The following TOP1 variants were observed in gnomAD, a reference collection of about 807,000 sequenced individuals.
TOP1 encodes the protein DNA topoisomerase 1.
TOP1 carries 10 observed loss-of-function variants against 111.1 expected under a neutral mutation model. The observed-to-expected ratio is 0.09, with a 90% confidence interval of 0.06 to 0.15. The LOEUF (loss-of-function observed/expected upper bound fraction) is 0.15, where lower values mean the gene tolerates loss of function less well. Ranked by LOEUF, TOP1 falls within the 10% of genes least tolerant of loss-of-function variation. The probability of loss-of-function intolerance (pLI) is 1.00; values close to 1 mark genes in which losing one functional copy is unlikely to be tolerated. For synonymous variants in TOP1, 271 were observed against 302.9 expected, an observed-to-expected ratio of 0.89 and a Z score of 1.10; for missense variants, 474 against 926.7, an observed-to-expected ratio of 0.51 and a Z score of 6.34.
Position 41,122,241 on chromosome 20 carries a change from C to A in TOP1, c.2195+86C>A, listed in dbSNP as rs556343100. ...GAGAGCACTGGTGGCCTTCACATGC[C>A]ATTCCTAAGCTACACACTTTAGTCC... On this transcript the variant is annotated intron_variant, in intron 20 of 20. Transcript: ENST00000361337. The surrounding 1 kb of genome is among the most constrained non-coding windows in gnomAD (Gnocchi z 5.4). 4.4e-6 allele frequency: 6 copies of A among 1,378,726 alleles called. No individual in the cohort carries two copies. The African/African-American group carries it at 8.6e-5, about 20-fold the overall frequency. The allele number at this position is 1,378,726 out of a possible 1,614,324, so 85.4% of individuals were successfully genotyped here. A position where few individuals can be genotyped will look rare whatever the true frequency, so the allele number is the denominator to read the frequency against.
intron 13 of TOP1, among the ~76,000 whole-genome samples, chr20:41,105,506 T>C (rs139225928): frequency 1.4e-4 from 21 of 152,350 alleles, no homozygotes; most frequent in Admixed American, 3.9e-4. Context: ...TTTTTGTTGT[T>C]GGTCATTTGA....
intron 18 of TOP1, among the ~76,000 whole-genome samples, chr20:41,119,120 G>A (rs1329234065): frequency 1.3e-5 from 2 of 152,188 alleles, no homozygotes; most frequent in Non-Finnish European, 2.9e-5. Flanking sequence ...GATAATAGAT[G>A]TGCTTCCTTA....
Position 41,071,340 on chromosome 20 carries a change from C to G in TOP1, c.156-4831C>G, listed in dbSNP as rs991829834. Among the ~76,000 whole-genome samples the G allele has an allele frequency of 1.3e-5, 2 of 151,826 alleles. No homozygotes were observed. The highest frequency in any genetic ancestry group is 6.6e-5 in the Admixed American group (1 of 15,252). On this transcript the variant is annotated intron_variant, in intron 3 of 20. Coordinates refer to ENST00000361337, the MANE Select transcript of TOP1 (RefSeq NM_003286.4). The surrounding 1 kb of genome is among the most constrained non-coding windows in gnomAD (Gnocchi z 4.3). Reference sequence around the variant, plus strand: ...ATAGTGTAAGTTATTTTTTTCTTTCCTTTTTTTAAATTTTTTTTTTTTTGA... The same window carrying G: ...ATAGTGTAAGTTATTTTTTTCTTTCGTTTTTTTAAATTTTTTTTTTTTTGA...
At chr20:41,087,835 C>T (rs1247987693) in intron 8 of TOP1, among the ~76,000 whole-genome samples, 1 of 152,192 alleles carries the variant, frequency 6.6e-6, no homozygotes, top group Non-Finnish European at 1.5e-5. Flanking sequence ...CACCTTTCCC[C>T]CTTCAAGCAA....
chr20:41,089,413 G>A, intron 8 of TOP1, among the ~76,000 whole-genome samples: 1 of 152,152 alleles, frequency 6.6e-6, no homozygotes, highest in East Asian at 1.9e-4. Context: ...TAGTCATACA[G>A]TATTTGTCCT....
chr20:41,068,905 G>A (rs1490592497), intron 3 of TOP1, among the ~76,000 whole-genome samples: 1 of 152,190 alleles, frequency 6.6e-6, no homozygotes, highest in Non-Finnish European at 1.5e-5. Context: ...AGAGAATCGT[G>A]TGAAATGAAA....
rs940283044 is a variant in TOP1 at position 41,051,039 on chromosome 20, A to G, written c.59-10355A>G. ...TTTTCTTTAAATAATTTATTCACCC[A>G]TTGTGTTCACTCAAGTGGTTCTAGT... On this transcript the variant is annotated intron_variant, in intron 2 of 20. Coordinates refer to ENST00000361337, the MANE Select transcript of TOP1 (RefSeq NM_003286.4). Among the ~76,000 whole-genome samples, 7 of 152,206 alleles carry G rather than the reference A, an allele frequency of 4.6e-5. 1 individual carries two copies. Among genetic ancestry groups the G allele is most frequent in the Admixed American group, 3.9e-4 (6 of 15,284 alleles).
intron 2 of TOP1, among the ~76,000 whole-genome samples, chr20:41,045,142 A>C (rs1244184180): frequency 6.6e-6 from 1 of 152,086 alleles, no homozygotes; most frequent in Non-Finnish European, 1.5e-5. Flanking sequence ...CAAAGAACTT[A>C]ATTATTTTAT....
rs2033096605 is a variant in TOP1, at chr20:41,029,912, G to A, written c.58+457G>A. On this transcript the variant is annotated intron_variant, in intron 2 of 20. Transcript: ENST00000361337. The surrounding 1 kb of genome is among the most constrained non-coding windows in gnomAD (Gnocchi z 6.1). ...ATCACATACTTCACCAGAGAGGGAA[G>A]GCTGGGGGACTGAATTATTATTTTT... 5.8e-6 allele frequency: 1 copy of A among 171,940 alleles called. No individual in the cohort carries two copies. The highest frequency in any genetic ancestry group is 2.4e-5 in the African/African-American group (1 of 42,134). 10.7% of individuals were successfully genotyped at this position (171,940 alleles called of 1,614,324 possible). A position where few individuals can be genotyped will look rare whatever the true frequency, so the allele number is the denominator to read the frequency against.
At position 41,080,244 on chromosome 20, in the gene TOP1, G is replaced by T. The variant is rs750561630; in HGVS notation, c.431+64G>T. ...AAGGAGGAGTTTAAAGAATAAATGT[G>T]ATGTGTTTCTTTATAATACATATAG... On this transcript the variant is annotated intron_variant, in intron 6 of 20. Coordinates refer to ENST00000361337, the MANE Select transcript of TOP1 (RefSeq NM_003286.4). This position sits in a 1 kb window ranked among gnomAD's most constrained non-coding sequence, Gnocchi z 5.0. The T allele has an allele frequency of 5.2e-5, 51 of 989,882 alleles. No homozygotes were observed. Among genetic ancestry groups the T allele is most frequent in the Non-Finnish European group, 7.5e-5 (49 of 654,488 alleles). The allele number at this position is 989,882 out of a possible 1,614,324, so 61.3% of individuals were successfully genotyped here. A position where few individuals can be genotyped will look rare whatever the true frequency, so the allele number is the denominator to read the frequency against.
chr20:41,029,123 C>G lies in TOP1; in HGVS notation c.33+23C>G, dbSNP rs1272678087. The G allele has an allele frequency of 2.0e-6, 3 of 1,476,804 alleles. No individual in the cohort carries two copies. Among genetic ancestry groups the G allele is most frequent in the Non-Finnish European group, 2.7e-6 (3 of 1,114,486 alleles). The allele number at this position is 1,476,804 out of a possible 1,614,324, so 91.5% of individuals were successfully genotyped here. A position where few individuals can be genotyped will look rare whatever the true frequency, so the allele number is the denominator to read the frequency against. On this transcript the variant is annotated intron_variant, in intron 1 of 20. Transcript: ENST00000361337. This position sits in a 1 kb window ranked among gnomAD's most constrained non-coding sequence, Gnocchi z 6.1. ...CAGGTACGGCCCGGCCTGACCCTGG[C>G]GGCCCCGGACCCCGGCCTGGCCGTC...
intron 8 of TOP1, among the ~76,000 whole-genome samples, chr20:41,089,861 G>A (rs1443050765): frequency 6.6e-6 from 1 of 152,122 alleles, no homozygotes; most frequent in Non-Finnish European, 1.5e-5. Flanking sequence ...TTGTGGTTTT[G>A]ATTGGTATTT....
At chr20:41,066,348 T>G (rs1015958925) in intron 3 of TOP1, among the ~76,000 whole-genome samples, 1 of 152,106 alleles carries the variant, frequency 6.6e-6, no homozygotes, top group Non-Finnish European at 1.5e-5. Context: ...CTTAACCTTC[T>G]TCAACTCAGT....
chr20:41,031,274 T>G (rs574824104), intron 2 of TOP1, among the ~76,000 whole-genome samples: 1 of 152,274 alleles, frequency 6.6e-6, no homozygotes, highest in African/African-American at 2.4e-5. Flanking sequence ...GATGTGCAGG[T>G]GAGGATGTAA....
intron 4 of TOP1, among the ~76,000 whole-genome samples, chr20:41,076,568 T>C (rs1479836790): frequency 3.3e-5 from 5 of 152,198 alleles, no homozygotes; most frequent in East Asian, 1.9e-4. Flanking sequence ...TTAATTGTTT[T>C]TGGGAGAAGG....
At chr20:41,042,031 C>G (rs1439945269) in intron 2 of TOP1, among the ~76,000 whole-genome samples, 1 of 152,112 alleles carries the variant, frequency 6.6e-6, no homozygotes, top group Non-Finnish European at 1.5e-5. Flanking sequence ...GCCTCATCCT[C>G]CTGAGTACCT....
rs191626408 is a variant in TOP1, at chr20:41,097,537, C to G, written c.852+196C>G. Among the ~76,000 whole-genome samples the G allele has an allele frequency of 6.6e-6, 1 of 152,130 alleles. No homozygotes were observed. The highest frequency in any genetic ancestry group is 2.4e-5 in the African/African-American group (1 of 41,416). The stretch of plus-strand genomic sequence containing the variant: ...CTGTCCAACAAGAGTACTTGTATAT[C>G]TTTGCTATTGGCTCTCATGTGATGG... On this transcript the variant is annotated intron_variant, in intron 10 of 20. Coordinates refer to ENST00000361337, the MANE Select transcript of TOP1 (RefSeq NM_003286.4). This position sits in a 1 kb window ranked among gnomAD's most constrained non-coding sequence, Gnocchi z 4.2.
intron 2 of TOP1, among the ~76,000 whole-genome samples, chr20:41,039,220 T>C (rs1240507945): frequency 6.6e-6 from 1 of 152,232 alleles, no homozygotes; most frequent in African/African-American, 2.4e-5. Flanking sequence ...GGATGAACTT[T>C]GAAATTAGTA....
Position 41,106,673 on chromosome 20 carries a change from T to C in TOP1, c.1308+5320T>C, listed in dbSNP as rs1235754612. Among the ~76,000 whole-genome samples the C allele has an allele frequency of 6.6e-6, 1 of 152,176 alleles. No homozygotes were observed. Among genetic ancestry groups the C allele is most frequent in the African/African-American group, 2.4e-5 (1 of 41,436 alleles). ...ATTGCTAATGTGAATGAGATTTTTTTCCATTATGTTTCTGTTGGTTATTCC... is the reference window on the plus strand; with the variant it reads ...ATTGCTAATGTGAATGAGATTTTTTCCCATTATGTTTCTGTTGGTTATTCC... On this transcript the variant is annotated intron_variant, in intron 13 of 20. Coordinates refer to ENST00000361337, the MANE Select transcript of TOP1 (RefSeq NM_003286.4). The surrounding 1 kb of genome is among the most constrained non-coding windows in gnomAD (Gnocchi z 4.3).
Sources: allele counts gnomAD v4.1 joint callset (sites outside exome capture counted in the v4.1 genomes callset), GRCh38; gene constraint gnomAD v4.1.1; non-coding constraint Gnocchi (gnomAD v3.1); transcripts MANE v1.5; gene names NCBI Gene and HGNC (gene_info 2026-07-23, HGNC 2026-07-21).